The following ADCY2 variants were observed in gnomAD, a reference collection of about 807,000 sequenced individuals.
ADCY2 encodes the protein adenylate cyclase 2, also known as adenylate cyclase type 2.
In ADCY2, 31 loss-of-function variants were observed where a neutral mutation model predicts 125.2. The observed-to-expected ratio is 0.25, with a 90% CI of 0.19 to 0.33. The LOEUF (loss-of-function observed/expected upper bound fraction) is 0.33, where lower values mean the gene tolerates loss of function less well. Ranked by LOEUF, ADCY2 falls within the 10% of genes least tolerant of loss-of-function variation. The probability of loss-of-function intolerance (pLI) is 1.00; values close to 1 mark genes in which losing one functional copy is unlikely to be tolerated. For missense variants in ADCY2, 904 were observed against 1,418.2 expected, an observed-to-expected ratio of 0.64 and a Z score of 5.82; for synonymous variants, 512 against 548.4, an observed-to-expected ratio of 0.93 and a Z score of 0.93.
At chr5:7,675,976 C>G (rs56299891) in intron 4 of ADCY2, among the ~76,000 whole-genome samples, 48,383 of 152,080 alleles carry the variant, frequency 0.32, 8,270 homozygotes, top group Non-Finnish European at 0.38. Context: ...TTTGTGAATT[C>G]AAGTATTTAT....
chr5:7,541,497 G>A (rs777915581), intron 3 of ADCY2, among the ~76,000 whole-genome samples: 8 of 152,204 alleles, frequency 5.3e-5, no homozygotes, highest in Non-Finnish European at 7.3e-5. Context: ...GATCACACAC[G>A]AGCTTCCCAA....
intron 3 of ADCY2, among the ~76,000 whole-genome samples, chr5:7,602,215 G>A (rs543910345): frequency 2.0e-5 from 3 of 152,334 alleles, no homozygotes; most frequent in Admixed American, 6.5e-5. Context: ...CAGGTTCCAA[G>A]TGGACATAAT....
intron 7 of ADCY2, among the ~76,000 whole-genome samples, chr5:7,703,167 C>T (rs1267934987): frequency 2.0e-5 from 3 of 152,100 alleles, no homozygotes; most frequent in Admixed American, 6.6e-5. Flanking sequence ...AATTTTCTCC[C>T]ATTCTGTAGG....
intron 1 of ADCY2, among the ~76,000 whole-genome samples, chr5:7,404,598 C>T (rs936719408): frequency 6.6e-5 from 10 of 152,180 alleles, no homozygotes; most frequent in Non-Finnish European, 1.2e-4. Context: ...TAACTACTGG[C>T]GATGAACACT....
intron 2 of ADCY2, among the ~76,000 whole-genome samples, chr5:7,496,249 C>CATTTATAAAATGTTTATAA (rs1743342071): frequency 2.0e-5 from 3 of 152,150 alleles, no homozygotes; most frequent in Non-Finnish European, 4.4e-5. Flanking sequence ...ATTTCCTATA[C>CATTTATAAAATGTTTATAA]ACTTTATAAA....
At chr5:7,768,011 A>G (rs906204438) in intron 17 of ADCY2, among the ~76,000 whole-genome samples, 7 of 149,500 alleles carry the variant, frequency 4.7e-5, no homozygotes, top group Middle Eastern at 3.5e-3. Flanking sequence ...AGCCTGGGCG[A>G]CAGAGTGAGA....
chr5:7,601,333 T>C (rs1737194203), intron 3 of ADCY2, among the ~76,000 whole-genome samples: 1 of 151,960 alleles, frequency 6.6e-6, no homozygotes, highest in Admixed American at 6.6e-5. Flanking sequence ...AAAAAAACTG[T>C]GGAGGAAATT....
chr5:7,421,642 A>G (rs998870044), intron 2 of ADCY2, among the ~76,000 whole-genome samples: 1 of 152,200 alleles, frequency 6.6e-6, no homozygotes, highest in African/African-American at 2.4e-5. Flanking sequence ...CTAACTGACA[A>G]CGGTTCCCTA....
chr5:7,703,999 C>CT (rs1741176630), intron 7 of ADCY2, among the ~76,000 whole-genome samples: 2 of 102,914 alleles, frequency 1.9e-5, no homozygotes, highest in African/African-American at 9.0e-5. Flanking sequence ...AAGATTCTGT[C>CT]CAAAAAAAAA....
At chr5:7,401,993 T>G (rs1405379661) in intron 1 of ADCY2, among the ~76,000 whole-genome samples, 1 of 152,192 alleles carries the variant, frequency 6.6e-6, no homozygotes, top group African/African-American at 2.4e-5. Flanking sequence ...TTAGAGCACC[T>G]GGGTTGGGGG....
chr5:7,459,071 G>T (rs577996956), intron 2 of ADCY2, among the ~76,000 whole-genome samples: 1 of 152,308 alleles, frequency 6.6e-6, no homozygotes, highest in Non-Finnish European at 1.5e-5. Flanking sequence ...ATTGTCAGCT[G>T]CCCCTCACTC....
intron 4 of ADCY2, among the ~76,000 whole-genome samples, chr5:7,638,506 A>T (rs1579263854): frequency 1.3e-5 from 2 of 152,286 alleles, no homozygotes; most frequent in Admixed American, 6.5e-5. Flanking sequence ...CATTTGAGAG[A>T]AAGAAAACAC....
intron 3 of ADCY2, among the ~76,000 whole-genome samples, chr5:7,526,485 CAAAG>C (rs1561074757): frequency 1.3e-5 from 2 of 152,002 alleles, no homozygotes; most frequent in Non-Finnish European, 2.9e-5. Flanking sequence ...GTTCCCAACA[CAAAG>C]GAAGGATTAA....
At chr5:7,554,111 C>T (rs997797830) in intron 3 of ADCY2, among the ~76,000 whole-genome samples, 2 of 152,128 alleles carry the variant, frequency 1.3e-5, no homozygotes, top group Non-Finnish European at 2.9e-5. Flanking sequence ...AATAAACAGA[C>T]AAGCAAATAA....
chr5:7,803,952 A>G (rs1269392480), intron 21 of ADCY2, among the ~76,000 whole-genome samples: 1 of 148,436 alleles, frequency 6.7e-6, no homozygotes, highest in Admixed American at 6.7e-5. Flanking sequence ...ATATATACAC[A>G]CACACACACA....
At chr5:7,602,709 T>C (rs1445590096) in intron 3 of ADCY2, among the ~76,000 whole-genome samples, 1 of 152,212 alleles carries the variant, frequency 6.6e-6, no homozygotes, top group East Asian at 1.9e-4. Context: ...CATACATAGC[T>C]TTTGTAGGTG....
intron 2 of ADCY2, among the ~76,000 whole-genome samples, chr5:7,501,727 A>G (rs1227950958): frequency 7.8e-6 from 1 of 128,022 alleles, no homozygotes; most frequent in Non-Finnish European, 1.6e-5. Context: ...GGGACTTTTG[A>G]AGAGAGAGGG....
At position 7,491,973 on chromosome 5, in the gene ADCY2, C is replaced by T. The variant is rs143942217; in HGVS notation, c.409-28765C>T. Among the ~76,000 whole-genome samples, 11 of 152,342 alleles carry T rather than the reference C, an allele frequency of 7.2e-5. 1 individual carries two copies. The East Asian group carries it at 1.9e-3, about 27-fold the overall frequency. ...TGTGTGTGCCAGGCTGTCTGTTGCA[C>T]AGCACTGAGTAACACAGGGGCTCTG... On this transcript the variant is annotated intron_variant, in intron 2 of 24. Transcript: ENST00000338316.
chr5:7,565,532 A>G (rs1337257397), intron 3 of ADCY2, among the ~76,000 whole-genome samples: 1 of 152,234 alleles, frequency 6.6e-6, no homozygotes, highest in Non-Finnish European at 1.5e-5. Context: ...TTGCTTCACA[A>G]GATTTGGAAA....
Sources: allele counts gnomAD v4.1 joint callset (sites outside exome capture counted in the v4.1 genomes callset), GRCh38; gene constraint gnomAD v4.1.1; transcripts MANE v1.5; gene names NCBI Gene and HGNC (gene_info 2026-07-23, HGNC 2026-07-21).